ADAM12: variants seen among roughly 807,000 people sequenced by gnomAD.
ADAM12 encodes the protein disintegrin and metalloproteinase domain-containing protein 12.
In ADAM12, 70 loss-of-function variants were observed where a neutral mutation model predicts 106.4. That is an observed-to-expected ratio of 0.66 (90% CI 0.54 to 0.80). The LOEUF (loss-of-function observed/expected upper bound fraction) is 0.80. Among genes scored for constraint, ADAM12 ranks in the 30% least tolerant of loss-of-function variants. The probability of loss-of-function intolerance (pLI) is 0.00; values close to 1 mark genes in which losing one functional copy is unlikely to be tolerated. For synonymous variants in ADAM12, 420 were observed against 433.5 expected (o/e 0.97, Z 0.39); for missense variants, 1,010 against 1,171.9 (o/e 0.86, Z 2.02).
intron 2 of ADAM12, among the ~76,000 whole-genome samples, chr10:126,294,361 A>T (rs1960279726): frequency 6.6e-6 from 1 of 152,226 alleles, no homozygotes. Context: ...TGGAATGATC[A>T]GAAGTGTGTG....
At chr10:126,248,842 A>G (rs1206097197) in intron 3 of ADAM12, among the ~76,000 whole-genome samples, 1 of 151,974 alleles carries the variant, frequency 6.6e-6, no homozygotes, top group East Asian at 1.9e-4. Context: ...AGTAGCTGGG[A>G]CTACAGACAG....
intron 3 of ADAM12, among the ~76,000 whole-genome samples, chr10:126,254,879 ATCTCTCTTG>A (rs1269564660): frequency 6.6e-6 from 1 of 152,206 alleles, no homozygotes. Flanking sequence ...TTAAAACGTC[ATCTCTCTTG>A]ACATAAACCA....
At chr10:126,281,224 CCAAA>C (rs1181937187) in intron 2 of ADAM12, among the ~76,000 whole-genome samples, 2 of 151,564 alleles carry the variant, frequency 1.3e-5, no homozygotes, top group East Asian at 1.9e-4. Context: ...CAAAATGTGC[CCAAA>C]CACACCATAT....
At chr10:126,304,827 C>G (rs917083703) in intron 2 of ADAM12, among the ~76,000 whole-genome samples, 4 of 151,888 alleles carry the variant, frequency 2.6e-5, no homozygotes, top group African/African-American at 9.7e-5. Flanking sequence ...CCAATAAGTT[C>G]CATGTAAACA....
Position 126,299,128 on chromosome 10 carries a change from G to A in ADAM12, c.187-20140C>T, listed in dbSNP as rs145254170. Among the ~76,000 whole-genome samples the A allele has an allele frequency of 8.5e-3, 1,287 of 152,268 alleles. 16 individuals carry two copies. The highest frequency in any genetic ancestry group is 0.029 in the African/African-American group (1,217 of 41,554). ...AAATGAATATTAAAGGCATGGTACA[G>A]AAATGAGAAAGAGAGGAGGTAAACA... is the stretch of plus-strand genomic sequence containing the variant. On this transcript the variant is annotated intron_variant, in intron 2 of 22. Coordinates refer to ENST00000448723, the MANE Select transcript of ADAM12 (RefSeq NM_001288973.2).
In ADAM12 at chr10:126,203,061, A is replaced by G. The variant is rs75943415; in HGVS notation, c.261-47756T>C. 2.9e-3 allele frequency among the ~76,000 whole-genome samples: 440 copies of G among 152,314 alleles called. 16 individuals carry two copies. The East Asian group carries it at 0.074, about 26-fold the overall frequency. On this transcript the variant is annotated intron_variant, in intron 3 of 22. Transcript: ENST00000448723. ...TCTTTTGTGAAAGTTCAGGTGCCCA[A>G]CTAGTTGTCATCAGCGAAGGAGTAA...
intron 21 of ADAM12, among the ~76,000 whole-genome samples, chr10:126,033,860 T>C (rs1433948828): frequency 6.6e-6 from 1 of 152,228 alleles, no homozygotes; most frequent in Admixed American, 6.5e-5. Context: ...CAGAATTCTA[T>C]ATCCAGCAAA....
chr10:126,346,535 G>T (rs12266499), intron 1 of ADAM12, among the ~76,000 whole-genome samples: 6,172 of 152,238 alleles, frequency 0.041, 425 homozygotes, highest in African/African-American at 0.14. Flanking sequence ...ATGTCTGTTA[G>T]GTCCACTTGG....
intron 2 of ADAM12, among the ~76,000 whole-genome samples, chr10:126,279,430 C>T: frequency 8.0e-6 from 1 of 125,588 alleles, no homozygotes; most frequent in South Asian, 2.8e-4. Flanking sequence ...GACTCTGTCT[C>T]AAAAAAAAAA....
chr10:126,153,288 T>G (rs1397792684), intron 4 of ADAM12, among the ~76,000 whole-genome samples: 1 of 152,250 alleles, frequency 6.6e-6, no homozygotes, highest in African/African-American at 2.4e-5. Flanking sequence ...TAGTTGTCAT[T>G]ATTTTGTACA....
chr10:126,367,690 G>A (rs757429304), intron 1 of ADAM12, among the ~76,000 whole-genome samples: 1 of 151,940 alleles, frequency 6.6e-6, no homozygotes, highest in Non-Finnish European at 1.5e-5. Context: ...ACCAATTTTA[G>A]GAATTAAAGA....
At chr10:126,277,167 T>C (rs539988603) in intron 3 of ADAM12, among the ~76,000 whole-genome samples, 1 of 152,330 alleles carries the variant, frequency 6.6e-6, no homozygotes, top group South Asian at 2.1e-4. Context: ...TTGTGTTTGG[T>C]GGTAAAAGTA....
At chr10:126,128,591 C>T (rs80173302) in intron 5 of ADAM12, among the ~76,000 whole-genome samples, 2 of 136,276 alleles carry the variant, frequency 1.5e-5, no homozygotes, top group East Asian at 2.2e-4. Flanking sequence ...GTGTGTGGTG[C>T]GCGTGTGGGA....
At chr10:126,348,552 A>G (rs1855233308) in intron 1 of ADAM12, among the ~76,000 whole-genome samples, 1 of 152,148 alleles carries the variant, frequency 6.6e-6, no homozygotes, top group Non-Finnish European at 1.5e-5. Context: ...TGAGGAGAAA[A>G]AAGTATTCAA....
intron 2 of ADAM12, among the ~76,000 whole-genome samples, chr10:126,281,885 A>C (rs190744767): frequency 1.3e-5 from 2 of 152,342 alleles, no homozygotes; most frequent in African/African-American, 2.4e-5. Context: ...GGGAAAGTAC[A>C]TCCAAGAGTA....
intron 2 of ADAM12, among the ~76,000 whole-genome samples, chr10:126,330,023 C>A (rs1318166579): frequency 6.6e-6 from 1 of 152,094 alleles, no homozygotes; most frequent in African/African-American, 2.4e-5. Context: ...AAACTCATGA[C>A]AAATGGGTTT....
intron 5 of ADAM12, among the ~76,000 whole-genome samples, chr10:126,121,774 G>A (rs1342363717): frequency 1.3e-5 from 2 of 151,868 alleles, no homozygotes; most frequent in Non-Finnish European, 2.9e-5. Flanking sequence ...TGGCCCATTC[G>A]TAGGTAGTAT....
chr10:126,340,583 G>A (rs960591883), intron 1 of ADAM12, among the ~76,000 whole-genome samples: 22 of 152,260 alleles, frequency 1.4e-4, no homozygotes, highest in African/African-American at 4.3e-4. Context: ...AGGAAAACTT[G>A]GAGTATGATT....
intron 20 of ADAM12, among the ~76,000 whole-genome samples, chr10:126,036,912 A>T (rs2133400166): frequency 6.6e-6 from 1 of 152,242 alleles, no homozygotes. Context: ...AGTTGACATA[A>T]AGTATACAAC....
Sources: allele counts gnomAD v4.1 joint callset (sites outside exome capture counted in the v4.1 genomes callset), GRCh38; gene constraint gnomAD v4.1.1; transcripts MANE v1.5; gene names NCBI Gene and HGNC (gene_info 2026-07-23, HGNC 2026-07-21).